Variants in PALM2AKAP2 observed in about 807,000 individuals in gnomAD.
PALM2AKAP2 encodes PALM2-AKAP2 fusion protein.
A neutral mutation model predicts 71.5 loss-of-function variants in PALM2AKAP2; 37 were observed. The ratio of observed to expected loss-of-function variants is 0.52; its 90% confidence interval spans 0.40 to 0.68. PALM2AKAP2 has a LOEUF of 0.68. Among genes scored for constraint, PALM2AKAP2 ranks in the 30% least tolerant of loss-of-function variants. The pLI is 0.00. For missense variants in PALM2AKAP2, 1,224 were observed against 1,191.8 expected (o/e 1.03, Z -0.40); for synonymous variants, 468 against 478.8 (o/e 0.98, Z 0.29).
At chr9:109,803,069 C>G (rs549758581) in intron 1 of PALM2AKAP2, among the ~76,000 whole-genome samples, 1 of 152,046 alleles carries the variant, frequency 6.6e-6, no homozygotes, top group African/African-American at 2.4e-5. Context: ...TGCTTGCTTG[C>G]TTATTTATTT....
Position 110,036,739 on chromosome 9 carries a change from A to T in PALM2AKAP2, c.582+20700A>T, listed in dbSNP as rs188350294. 7.9e-5 allele frequency among the ~76,000 whole-genome samples: 12 copies of T among 152,302 alleles called. No individual in the cohort carries two copies. In the East Asian group the frequency reaches 2.1e-3, roughly 27 times the overall value. ...GGACCTTAGGATCTGGCTCACTGCC[A>T]GTCTTCTCTCACCCCTCCTTTCTCA... is the stretch of plus-strand genomic sequence containing the variant. On this transcript the variant is annotated intron_variant, in intron 7 of 9. Transcript: ENST00000302798.
At chr9:109,771,586 T>C (rs935593531) in intron 1 of PALM2AKAP2, among the ~76,000 whole-genome samples, 1 of 152,218 alleles carries the variant, frequency 6.6e-6, no homozygotes, top group Non-Finnish European at 1.5e-5. Flanking sequence ...GAGTCCCAGA[T>C]GGAAATTGAC....
intron 1 of PALM2AKAP2, among the ~76,000 whole-genome samples, chr9:109,802,323 A>G (rs1827454775): frequency 6.6e-6 from 1 of 152,170 alleles, no homozygotes; most frequent in African/African-American, 2.4e-5. Context: ...TAAATGCTCC[A>G]TAGCCATATT....
chr9:110,025,803 T>G (rs1833172238), intron 7 of PALM2AKAP2, among the ~76,000 whole-genome samples: 1 of 152,222 alleles, frequency 6.6e-6, no homozygotes, highest in Non-Finnish European at 1.5e-5. Flanking sequence ...ACTGAGTTAT[T>G]TTCATGTGCT....
intron 1 of PALM2AKAP2, among the ~76,000 whole-genome samples, chr9:109,688,121 G>A (rs551065879): frequency 1.4e-4 from 22 of 152,308 alleles, no homozygotes; most frequent in African/African-American, 5.3e-4. Context: ...ATATGATAAT[G>A]ATGAAAAAGT....
At chr9:110,064,335 C>T (rs755478109) in intron 1 of PALM2AKAP2, among the ~76,000 whole-genome samples, 29 of 152,178 alleles carry the variant, frequency 1.9e-4, no homozygotes, top group South Asian at 4.1e-4. Flanking sequence ...AGTGTGTATG[C>T]TCATCTTCCC....
intron 6 of PALM2AKAP2, among the ~76,000 whole-genome samples, chr9:109,964,249 C>G (rs575079710): frequency 3.2e-4 from 49 of 152,376 alleles, no homozygotes; most frequent in Non-Finnish European, 6.3e-4. Flanking sequence ...AGAGCTGTGT[C>G]TCTCATGGAC....
At chr9:110,113,247 T>C (rs1835289486) in intron 1 of PALM2AKAP2, among the ~76,000 whole-genome samples, 1 of 149,996 alleles carries the variant, frequency 6.7e-6, no homozygotes, top group Admixed American at 6.6e-5. Flanking sequence ...TTTTTTCTTT[T>C]TTTTTTTTTT....
At chr9:110,048,653 G>A (rs767567140), upstream of PALM2AKAP2, 7 of 1,473,236 alleles carry the variant, frequency 4.8e-6, no homozygotes, top group Middle Eastern at 2.4e-4. Flanking sequence ...GCAGGCGGGC[G>A]GGGCTCCCCG....
chr9:110,147,672 C>T (rs551210601), intron 2 of PALM2AKAP2, among the ~76,000 whole-genome samples: 2 of 152,136 alleles, frequency 1.3e-5, no homozygotes, highest in East Asian at 3.9e-4. Context: ...ACTCAGGAGG[C>T]GAGGTGGGAG....
intron 1 of PALM2AKAP2, among the ~76,000 whole-genome samples, chr9:110,106,893 G>A (rs1835133908): frequency 6.6e-6 from 1 of 152,180 alleles, no homozygotes; most frequent in South Asian, 2.1e-4. Flanking sequence ...CAGGGTGAAA[G>A]AGGTCTCCCT....
intron 1 of PALM2AKAP2, among the ~76,000 whole-genome samples, chr9:110,072,341 C>A (rs960625955): frequency 6.6e-6 from 1 of 152,114 alleles, no homozygotes. Context: ...CTAAGGGTGG[C>A]AAGGGGCCCA....
At chr9:109,831,170 CACACACACACACAA>C (rs1245708148) in intron 1 of PALM2AKAP2, among the ~76,000 whole-genome samples, 17 of 148,170 alleles carry the variant, frequency 1.1e-4, no homozygotes, top group Non-Finnish European at 1.7e-4. Flanking sequence ...CACACACACA[CACACACACACACAA>C]GCATAAATAG....
At chr9:110,009,593 A>G (rs1408735641) in intron 6 of PALM2AKAP2, among the ~76,000 whole-genome samples, 1 of 151,836 alleles carries the variant, frequency 6.6e-6, no homozygotes, top group East Asian at 1.9e-4. Flanking sequence ...GGGCGCCTGT[A>G]GTCCCAACTA....
At chr9:110,075,369 A>G (rs1310182349) in intron 1 of PALM2AKAP2, among the ~76,000 whole-genome samples, 1 of 152,242 alleles carries the variant, frequency 6.6e-6, no homozygotes, top group Non-Finnish European at 1.5e-5. Context: ...TCAGATGTTT[A>G]TGTAATTCAT....
chr9:109,738,552 A>G (rs1828672715), intron 1 of PALM2AKAP2, among the ~76,000 whole-genome samples: 1 of 152,248 alleles, frequency 6.6e-6, no homozygotes, highest in African/African-American at 2.4e-5. Flanking sequence ...TGATTGAAAA[A>G]TGACATTTAA....
intron 1 of PALM2AKAP2, among the ~76,000 whole-genome samples, chr9:109,719,767 T>C (rs1828378914): frequency 6.6e-6 from 1 of 152,138 alleles, no homozygotes; most frequent in Non-Finnish European, 1.5e-5. Flanking sequence ...CTATTCCCAG[T>C]TCCTCCATGG....
At chr9:110,058,687 C>G (rs1448853742) in intron 1 of PALM2AKAP2, among the ~76,000 whole-genome samples, 1 of 152,190 alleles carries the variant, frequency 6.6e-6, no homozygotes, top group Non-Finnish European at 1.5e-5. Context: ...ACTGTAGCCA[C>G]TTCCACTGGT....
intron 7 of PALM2AKAP2, among the ~76,000 whole-genome samples, chr9:110,034,924 T>A (rs1042368041): frequency 2.0e-5 from 3 of 151,694 alleles, no homozygotes; most frequent in Non-Finnish European, 4.4e-5. Flanking sequence ...TTTGTATAAG[T>A]GACAGGTCTG....
Sources: gnomAD v4.1 joint callset for allele counts (sites outside exome capture counted in the v4.1 genomes callset) on GRCh38, gnomAD v4.1.1 for gene constraint, MANE v1.5 for transcripts, NCBI Gene and HGNC (gene_info 2026-07-23, HGNC 2026-07-21) for gene names.